Variants in TDRD7 observed in about 807,000 individuals in gnomAD.
The protein encoded by TDRD7 is tudor domain-containing protein 7.
Under a neutral mutation model 109.8 loss-of-function variants are expected in TDRD7, and 47 were observed. That is an observed-to-expected ratio of 0.43 (90% confidence interval 0.34 to 0.55). The LOEUF (loss-of-function observed/expected upper bound fraction) is 0.55. Among genes scored for constraint, TDRD7 ranks in the 20% least tolerant of loss-of-function variants. TDRD7 has a pLI of 0.03. For missense variants in TDRD7, 1,164 were observed against 1,319.2 expected (o/e 0.88, Z 1.82); for synonymous variants, 424 against 457.3 (o/e 0.93, Z 0.93).
chr9:97,484,007 A>G (rs1006737536), intron 15 of TDRD7, among the ~76,000 whole-genome samples: 2 of 152,104 alleles, frequency 1.3e-5, no homozygotes, highest in African/African-American at 4.8e-5. Context: ...ATTTTTCACT[A>G]TTATAAATAA....
At chr9:97,442,851 A>C (rs1360754139) in intron 6 of TDRD7, among the ~76,000 whole-genome samples, 1 of 151,714 alleles carries the variant, frequency 6.6e-6, no homozygotes, top group Non-Finnish European at 1.5e-5. Context: ...GGCTGAGTAC[A>C]GTGGAACGAT....
chr9:97,445,402 A>G (rs576424856), intron 6 of TDRD7, among the ~76,000 whole-genome samples: 2 of 152,342 alleles, frequency 1.3e-5, no homozygotes, highest in South Asian at 2.1e-4. Context: ...TTTCTGTCCA[A>G]TGGGAAAATA....
chr9:97,476,563 A>G (rs1054698107), intron 12 of TDRD7, among the ~76,000 whole-genome samples: 1 of 118,248 alleles, frequency 8.5e-6, no homozygotes, highest in African/African-American at 3.3e-5. Context: ...AAAACCAAAA[A>G]GAAAAAAAAA....
intron 6 of TDRD7, among the ~76,000 whole-genome samples, chr9:97,459,896 C>T (rs566268641): frequency 2.0e-5 from 3 of 152,288 alleles, no homozygotes; most frequent in Admixed American, 2.0e-4. Flanking sequence ...TGAGAGTACA[C>T]GTTACAGGGC....
chr9:97,425,846 A>G (rs1047574674), intron 1 of TDRD7, among the ~76,000 whole-genome samples: 1 of 152,232 alleles, frequency 6.6e-6, no homozygotes, highest in Non-Finnish European at 1.5e-5. Context: ...TGCAAACATT[A>G]TAGAGTGGAC....
Position 97,460,640 on chromosome 9 carries a change from A to G in TDRD7, c.1318A>G (p.Ser440Gly), listed in dbSNP as rs748981064. 16 of 1,614,102 alleles carry G rather than the reference A, an allele frequency of 9.9e-6. No individual in the cohort carries two copies. Among genetic ancestry groups the G allele is most frequent in the Admixed American group, 1.7e-5 (1 of 60,008 alleles). The change falls in exon 7 of 17, where the codon AGC becomes GGC. Residue 440 changes from serine (S) to glycine (G), a missense_variant. Ser to Gly is a moderately conservative substitution (Grantham distance 56). Around this residue, in one of 5 missense-constraint regions of TDRD7, gnomAD observed 407 missense variants for 394.0 expected, o/e 1.03. Coordinates refer to ENST00000355295, the MANE Select transcript of TDRD7 (RefSeq NM_014290.3). ...ACAAGAGTATTTGCAGGTAGAAGAAAGCATTGCTGAAAGTGCTAATACCTT... is the reference window on the plus strand; with the variant it reads ...ACAAGAGTATTTGCAGGTAGAAGAAGGCATTGCTGAAAGTGCTAATACCTT... Reference protein sequence around the residue: ...VEQEYLQVEESIAESANTFME... With the variant: ...VEQEYLQVEEGIAESANTFME...
At chr9:97,443,441 T>A (rs1009849376) in intron 6 of TDRD7, among the ~76,000 whole-genome samples, 2 of 152,214 alleles carry the variant, frequency 1.3e-5, no homozygotes, top group African/African-American at 4.8e-5. Context: ...GACCTCTGAT[T>A]TATGTGGAAT....
rs144587427 is a variant in TDRD7, at chr9:97,470,608, A to G, written c.1680A>G (p.Ala560=). 1.8e-4 allele frequency: 285 copies of G among 1,613,908 alleles called. No homozygotes were observed. The highest frequency in any genetic ancestry group is 2.3e-4 in the Non-Finnish European group (276 of 1,179,966). The change falls in exon 9 of 17, where the codon GCA becomes GCG. Residue 560 remains alanine, a synonymous_variant. Transcript: ENST00000355295. The part of the protein sequence containing the change: ...GFSENVEKSK[A]YKLNPKFCSL... ...GTGAAAATGTTGAAAAAAGCAAAGC[A>G]TACAAATTAAACCCGAAGTTTTGTT... is the stretch of plus-strand genomic sequence containing the variant.
intron 11 of TDRD7, 37 bp from the exon 12 acceptor site, chr9:97,475,346 A>G: frequency 6.7e-7 from 1 of 1,490,934 alleles, no homozygotes; most frequent in Non-Finnish European, 9.4e-7. Context: ...GCTCTTTGCT[A>G]AGAGTAATAA....
At chr9:97,456,606 A>G (rs1270238332) in intron 6 of TDRD7, among the ~76,000 whole-genome samples, 1 of 152,226 alleles carries the variant, frequency 6.6e-6, no homozygotes, top group Non-Finnish European at 1.5e-5. Flanking sequence ...ATGCTGGGAA[A>G]ACTGGCTAGC....
At chr9:97,472,222 C>T in intron 9 of TDRD7, 71 bp from the exon 10 acceptor site, 6 of 1,341,634 alleles carry the variant, frequency 4.5e-6, no homozygotes, top group Non-Finnish European at 6.4e-6. Context: ...TCAAAACAGA[C>T]ACAATCCATC....
chr9:97,437,535 T>G (rs1828225560), intron 4 of TDRD7, among the ~76,000 whole-genome samples: 1 of 152,180 alleles, frequency 6.6e-6, no homozygotes, highest in Admixed American at 6.5e-5. Flanking sequence ...TTCTATTGAT[T>G]AGAAGCAGGT....
At chr9:97,472,701 A>G (rs1189963846) in intron 10 of TDRD7, among the ~76,000 whole-genome samples, 1 of 152,172 alleles carries the variant, frequency 6.6e-6, no homozygotes, top group Non-Finnish European at 1.5e-5. Context: ...TTTATTTTCC[A>G]TTTCCTGCAA....
chr9:97,463,167 T>G (rs1342141559), intron 7 of TDRD7, among the ~76,000 whole-genome samples: 1 of 152,180 alleles, frequency 6.6e-6, no homozygotes, highest in African/African-American at 2.4e-5. Context: ...TCCTCCCAAC[T>G]ACTCAGCAGG....
chr9:97,474,572 C>A, intron 11 of TDRD7, among the ~76,000 whole-genome samples: 1 of 152,188 alleles, frequency 6.6e-6, no homozygotes, highest in East Asian at 1.9e-4. Context: ...AACCCGCATT[C>A]AAAGTACAGT....
intron 8 of TDRD7, among the ~76,000 whole-genome samples, chr9:97,468,980 T>A (rs953659668): frequency 6.6e-6 from 1 of 152,202 alleles, no homozygotes; most frequent in Non-Finnish European, 1.5e-5. Context: ...TACAAACATG[T>A]ATGATTAAAA....
chr9:97,437,611 C>T (rs1241156123), intron 4 of TDRD7, among the ~76,000 whole-genome samples: 2 of 152,192 alleles, frequency 1.3e-5, no homozygotes, highest in South Asian at 2.1e-4. Flanking sequence ...GGGGTTATCT[C>T]AGCAGCTACT....
At position 97,484,631 on chromosome 9, in the gene TDRD7, A is replaced by G. The variant is rs1032510243; in HGVS notation, c.2915+1280A>G. Among the ~76,000 whole-genome samples the G allele has an allele frequency of 3.3e-5, 5 of 152,242 alleles. No homozygotes were observed. In the East Asian group the frequency reaches 9.6e-4, roughly 29 times the overall value. On this transcript the variant is annotated intron_variant, in intron 15 of 16. Transcript: ENST00000355295. ...AAAACTAATTTTTAACTCTCAGTGAAGCGTATAAAAGCTCTCATTTCGAAA... is the reference window on the plus strand; with the variant it reads ...AAAACTAATTTTTAACTCTCAGTGAGGCGTATAAAAGCTCTCATTTCGAAA...
At chr9:97,471,935 T>C (rs1440414797) in intron 9 of TDRD7, among the ~76,000 whole-genome samples, 1 of 152,208 alleles carries the variant, frequency 6.6e-6, no homozygotes, top group African/African-American at 2.4e-5. Context: ...TACAAACATA[T>C]GACTGGAAGA....
Sources: allele counts gnomAD v4.1 joint callset (sites outside exome capture counted in the v4.1 genomes callset), GRCh38; gene constraint gnomAD v4.1.1; regional missense constraint gnomAD v4.1.1; transcripts MANE v1.5; gene names NCBI Gene and HGNC (gene_info 2026-07-23, HGNC 2026-07-21).